The following PPP2R2D variants were observed in gnomAD, a reference collection of about 807,000 sequenced individuals.
PPP2R2D encodes protein phosphatase 2 regulatory subunit Bdelta, also known as serine/threonine-protein phosphatase 2A 55 kDa regulatory subunit B delta isoform.
In PPP2R2D, 9 loss-of-function variants were observed where a neutral mutation model predicts 31.1. The observed-to-expected ratio is 0.29, with a 90% CI of 0.17 to 0.51. The LOEUF (loss-of-function observed/expected upper bound fraction) is 0.51, where lower values mean the gene tolerates loss of function less well. Among genes scored for constraint, PPP2R2D ranks in the 20% least tolerant of loss-of-function variants. The probability of loss-of-function intolerance (pLI) is 0.98; values close to 1 mark genes in which losing one functional copy is unlikely to be tolerated. For synonymous variants in PPP2R2D, 179 were observed against 172.6 expected (o/e 1.04, Z -0.29); for missense variants, 391 against 465.6 (o/e 0.84, Z 1.48).
chr10:131,902,601 A>G (rs1483622157), intron 2 of PPP2R2D, among the ~76,000 whole-genome samples: 3 of 152,232 alleles, frequency 2.0e-5, no homozygotes, highest in Non-Finnish European at 4.4e-5. Context: ...TTTCTTTAAA[A>G]TGCATTACTT....
At chr10:131,911,369 C>T (rs1300811514) in intron 2 of PPP2R2D, among the ~76,000 whole-genome samples, 1 of 152,196 alleles carries the variant, frequency 6.6e-6, no homozygotes, top group Non-Finnish European at 1.5e-5. Flanking sequence ...TGTTTTTCAA[C>T]CCCAACAACT....
chr10:131,901,815 G>A (rs1197924529), intron 2 of PPP2R2D, among the ~76,000 whole-genome samples: 1 of 152,124 alleles, frequency 6.6e-6, no homozygotes, highest in Non-Finnish European at 1.5e-5. Context: ...TTTCATCGGC[G>A]GTGCGCTCTT....
intron 2 of PPP2R2D, among the ~76,000 whole-genome samples, chr10:131,917,059 G>A (rs797035799): frequency 8.3e-4 from 106 of 127,288 alleles, no homozygotes; most frequent in African/African-American, 1.8e-3. Context: ...GACCTCAGGC[G>A]GGTGGAATGA....
the PPP2R2D span, chr10:131,967,236 TTTG>T: frequency 0.29 from 43,698 of 151,894 alleles, 6,412 homozygotes; most frequent in East Asian, 0.44. Context: ...CGTGGTTGGC[TTTG>T]TTGTGTGCTA....
chr10:131,904,276 C>A (rs1421643720), intron 2 of PPP2R2D, among the ~76,000 whole-genome samples: 4 of 147,922 alleles, frequency 2.7e-5, no homozygotes, highest in African/African-American at 1.0e-4. Flanking sequence ...CTTTGGGAGG[C>A]CGAGGCAGGC....
chr10:131,908,055 A>G (rs2035625622), intron 2 of PPP2R2D, among the ~76,000 whole-genome samples: 1 of 152,200 alleles, frequency 6.6e-6, no homozygotes, highest in African/African-American at 2.4e-5. Context: ...TGCTGTTGCA[A>G]CTTGAAAAGT....
At chr10:131,944,712 G>A (rs1041282753) in intron 6 of PPP2R2D, among the ~76,000 whole-genome samples, 3 of 152,182 alleles carry the variant, frequency 2.0e-5, no homozygotes, top group East Asian at 1.9e-4. Flanking sequence ...GTTCCATGTC[G>A]TATGTTGGTT....
At chr10:131,948,150 C>T (rs2036575505) in intron 8 of PPP2R2D, among the ~76,000 whole-genome samples, 1 of 152,194 alleles carries the variant, frequency 6.6e-6, no homozygotes, top group South Asian at 2.1e-4. Flanking sequence ...GACCGCGTTG[C>T]AGTCTGCCTT....
At chr10:131,944,374 T>C (rs908064952) in intron 6 of PPP2R2D, among the ~76,000 whole-genome samples, 8 of 152,188 alleles carry the variant, frequency 5.3e-5, no homozygotes, top group Non-Finnish European at 1.2e-4. Context: ...TTACCTGAAG[T>C]CCACTGCCTG....
At chr10:131,936,562 C>T (rs1554896525) in intron 3 of PPP2R2D, among the ~76,000 whole-genome samples, 1 of 152,212 alleles carries the variant, frequency 6.6e-6, no homozygotes, top group Non-Finnish European at 1.5e-5. Flanking sequence ...GATGCCTCAT[C>T]CCTGCCTAAC....
intron 2 of PPP2R2D, among the ~76,000 whole-genome samples, chr10:131,904,834 T>C (rs1273151913): frequency 6.6e-6 from 1 of 152,196 alleles, no homozygotes; most frequent in Non-Finnish European, 1.5e-5. Flanking sequence ...CTCCTGACTT[T>C]GGAGGTCATG....
chr10:131,946,796 T>C (rs1041573337), intron 7 of PPP2R2D, among the ~76,000 whole-genome samples: 3 of 152,118 alleles, frequency 2.0e-5, no homozygotes, highest in Admixed American at 1.3e-4. Flanking sequence ...ACAAGCCAGG[T>C]GCAGTGGTGC....
At chr10:131,915,392 T>C (rs1554892931) in intron 2 of PPP2R2D, among the ~76,000 whole-genome samples, 1 of 152,154 alleles carries the variant, frequency 6.6e-6, no homozygotes, top group African/African-American at 2.4e-5. Context: ...GATAGGTTGC[T>C]TTTAGAATAA....
intron 3 of PPP2R2D, 161 bp from the exon 4 acceptor site, chr10:131,939,870 T>G: frequency 8.5e-6 from 1 of 118,308 alleles, no homozygotes; most frequent in Non-Finnish European, 1.6e-5. Context: ...AGTTCGTTCT[T>G]TTTTTTTTTT....
Position 131,947,625 on chromosome 10 carries a change from A to G in PPP2R2D, c.916A>G (p.Met306Val). 1 of 1,614,256 alleles carries G rather than the reference A, an allele frequency of 6.2e-7. No individual in the cohort carries two copies. The highest frequency in any genetic ancestry group is 1.1e-5 in the South Asian group (1 of 91,090). Residue 306 changes from methionine (M) to valine (V), a missense_variant, in exon 8 of 9, where the codon ATG becomes GTG. Physicochemically the swap from Met to Val is conservative, Grantham distance 21. Coordinates refer to ENST00000455566, the MANE Select transcript of PPP2R2D (RefSeq NM_018461.5). This position sits in a 1 kb window ranked among gnomAD's most constrained non-coding sequence, Gnocchi z 4.3. ...DVKFSHSGRYMMTRDYLSVKV... is the reference protein window; with the variant it reads ...DVKFSHSGRYVMTRDYLSVKV... ...AAAATTCAGTCATAGTGGGCGGTACATGATGACCAGAGACTACCTGTCGGT... is the reference window on the plus strand; with the variant it reads ...AAAATTCAGTCATAGTGGGCGGTACGTGATGACCAGAGACTACCTGTCGGT...
At chr10:131,906,727 C>T (rs1268296352) in intron 2 of PPP2R2D, among the ~76,000 whole-genome samples, 1 of 150,150 alleles carries the variant, frequency 6.7e-6, no homozygotes, top group Non-Finnish European at 1.5e-5. Flanking sequence ...TTGAGACCAG[C>T]CTGGGCAACA....
At chr10:131,941,451 A>G (rs1446275829) in intron 5 of PPP2R2D, among the ~76,000 whole-genome samples, 1 of 152,132 alleles carries the variant, frequency 6.6e-6, no homozygotes, top group Non-Finnish European at 1.5e-5. Flanking sequence ...GCACCTGTGC[A>G]GAGGTGTGTC....
chr10:131,968,548 C>G, the PPP2R2D span: 4 of 1,601,884 alleles, frequency 2.5e-6, no homozygotes, highest in Non-Finnish European at 3.4e-6. Flanking sequence ...TGGAGGTTGT[C>G]AGACGCCTTC....
At chr10:131,931,853 C>G (rs1554895718) in intron 2 of PPP2R2D, among the ~76,000 whole-genome samples, 1 of 152,156 alleles carries the variant, frequency 6.6e-6, no homozygotes, top group African/African-American at 2.4e-5. Flanking sequence ...GAGGGCACCC[C>G]TGGGGATGGC....
Sources: allele counts gnomAD v4.1 joint callset (sites outside exome capture counted in the v4.1 genomes callset), GRCh38; gene constraint gnomAD v4.1.1; non-coding constraint Gnocchi (gnomAD v3.1); transcripts MANE v1.5; gene names NCBI Gene and HGNC (gene_info 2026-07-23, HGNC 2026-07-21).